VAV1: variants seen among roughly 807,000 people sequenced by gnomAD.
VAV1 encodes vav guanine nucleotide exchange factor 1.
A neutral mutation model predicts 128.1 loss-of-function variants in VAV1; 33 were observed. The observed-to-expected ratio is 0.26, with a 90% CI of 0.20 to 0.34. The LOEUF is 0.34. Among genes scored for constraint, VAV1 ranks in the 10% least tolerant of loss-of-function variants. VAV1 has a pLI of 1.00. For synonymous variants in VAV1, 394 were observed against 409.8 expected (o/e 0.96, Z 0.47); for missense variants, 715 against 1,093.7 (o/e 0.65, Z 4.88).
chr19:6,788,796 T>C (rs1343388567), intron 1 of VAV1, among the ~76,000 whole-genome samples: 2 of 152,188 alleles, frequency 1.3e-5, no homozygotes, highest in Admixed American at 6.5e-5. Context: ...CATGTGCCTA[T>C]TCCTTGAGTT....
intron 23 of VAV1, 29 bp from the exon 24 acceptor site, chr19:6,850,641 C>A (rs1972647933): frequency 6.2e-7 from 1 of 1,610,412 alleles, no homozygotes; most frequent in Non-Finnish European, 8.5e-7. Flanking sequence ...GGTCCCCAGA[C>A]TCAGGGCCCG....
rs191624193 is a variant in VAV1, at chr19:6,799,593, C to T, written c.205-21109C>T. Reference sequence around the variant, plus strand: ...CATTAGGTATTTCTCCGAATGCTATCCCTCTCCTAACCCCCAGCCCCCGAC... The same window carrying T: ...CATTAGGTATTTCTCCGAATGCTATTCCTCTCCTAACCCCCAGCCCCCGAC... On this transcript the variant is annotated intron_variant, in intron 1 of 26. Coordinates refer to ENST00000602142, the MANE Select transcript of VAV1 (RefSeq NM_005428.4). Among the ~76,000 whole-genome samples, 261 of 152,198 alleles carry T rather than the reference C, an allele frequency of 1.7e-3. 1 individual carries two copies. Among genetic ancestry groups the T allele is most frequent in the African/African-American group, 6.2e-3 (259 of 41,534 alleles).
In VAV1 at chr19:6,840,302, TC is replaced by T. The variant is rs1343154785; in HGVS notation, c.1981-2832del. ...TTGTGGAATGTGTCAGAATTTTCTT[TC>T]TTTTTTTTTTTTTTTTTGGTGAAAT... On this transcript the variant is annotated intron_variant, in intron 21 of 26. Coordinates refer to ENST00000602142, the MANE Select transcript of VAV1 (RefSeq NM_005428.4). Among the ~76,000 whole-genome samples the T allele has an allele frequency of 4.2e-4, 50 of 119,174 alleles. 1 individual carries two copies. The highest frequency in any genetic ancestry group is 1.0e-3 in the African/African-American group (36 of 35,248). 78.2% of individuals were successfully genotyped at this position (119,174 alleles called of 152,430 possible).
At chr19:6,831,846 A>G (rs1972062618) in intron 14 of VAV1, among the ~76,000 whole-genome samples, 1 of 143,308 alleles carries the variant, frequency 7.0e-6, no homozygotes. Context: ...GTGCTTCTGC[A>G]AAGGGGAGTG....
chr19:6,852,721 A>AAAC (rs568648754), intron 24 of VAV1, among the ~76,000 whole-genome samples: 2,122 of 127,876 alleles, frequency 0.017, 58 homozygotes, highest in African/African-American at 0.096. Flanking sequence ...ACTCCGTCTC[A>AAAC]AAGAAAAAAA....
At chr19:6,803,259 C>T (rs8109794) in intron 1 of VAV1, among the ~76,000 whole-genome samples, 26 of 152,276 alleles carry the variant, frequency 1.7e-4, no homozygotes, top group Non-Finnish European at 3.1e-4. Context: ...TTGCAGTCAT[C>T]TTTGTACCCA....
chr19:6,822,373 G>A lies in VAV1; in HGVS notation c.558+44G>A. On this transcript the variant is annotated intron_variant, in intron 5 of 26. Transcript: ENST00000602142. This position sits in a 1 kb window ranked among gnomAD's most constrained non-coding sequence, Gnocchi z 5.9. ...CGGGCCTGGGGAGGGCGTGGGCGGG[G>A]GGCAGCCCCAGGCCCCCCAACACCG... 2 of 1,554,064 alleles carry A rather than the reference G, an allele frequency of 1.3e-6. No individual in the cohort carries two copies. The highest frequency in any genetic ancestry group is 8.7e-7 in the Non-Finnish European group (1 of 1,149,730).
chr19:6,778,170 TAAGTGACC>T lies in VAV1; in HGVS notation c.204+5160_204+5167del, dbSNP rs1446094198. 5.3e-5 allele frequency among the ~76,000 whole-genome samples: 8 copies of T among 152,174 alleles called. No homozygotes were observed. In the East Asian group the frequency reaches 1.5e-3, roughly 29 times the overall value. The stretch of plus-strand genomic sequence containing the variant: ...CAGGCTGGTCTCGAACTCCTGACCT[TAAGTGACC>T]CACATGCCTCGGCCTCCCAAAGTGT... On this transcript the variant is annotated intron_variant, in intron 1 of 26. Transcript: ENST00000602142.
At position 6,826,263 on chromosome 19, in the gene VAV1, G is replaced by A. The variant is rs562398199; in HGVS notation, c.828-349G>A. Reference sequence around the variant, plus strand: ...TGAAGCAGGAGAATCGCTTGAACCCGGGAGATGGAGGTTGCACTGAGCCCA... The same window carrying A: ...TGAAGCAGGAGAATCGCTTGAACCCAGGAGATGGAGGTTGCACTGAGCCCA... On this transcript the variant is annotated intron_variant, in intron 8 of 26. Coordinates refer to ENST00000602142, the MANE Select transcript of VAV1 (RefSeq NM_005428.4). This position sits in a 1 kb window ranked among gnomAD's most constrained non-coding sequence, Gnocchi z 4.1. Among the ~76,000 whole-genome samples, 21 of 152,190 alleles carry A rather than the reference G, an allele frequency of 1.4e-4. No homozygotes were observed. Among genetic ancestry groups the A allele is most frequent in the Admixed American group, 6.5e-4 (10 of 15,280 alleles).
intron 13 of VAV1, 66 bp from the exon 14 acceptor site, chr19:6,829,720 C>T: frequency 6.3e-7 from 1 of 1,596,024 alleles, no homozygotes; most frequent in Admixed American, 1.7e-5. Flanking sequence ...TGTGGAGGAA[C>T]TGGTCAGAGG....
At position 6,854,010 on chromosome 19, in the gene VAV1, C is replaced by G; in HGVS notation, c.2396C>G (p.Ser799Ter). Residue 799 changes from serine (S) to a stop codon, truncating the protein, a stop_gained, in exon 26 of 27, where the codon TCA (serine) becomes TGA (stop). Coordinates refer to ENST00000602142, the MANE Select transcript of VAV1 (RefSeq NM_005428.4). LOFTEE classifies it high-confidence loss of function. ...TATGACTTCTGCGCCCGAGACCGAT[C>G]AGAGCTGTCGCTCAAGGAGGGTGAC... Reference protein sequence around the residue: ...ARYDFCARDRSELSLKEGDII... With the variant: ...ARYDFCARDR 3 of 1,613,956 alleles carry G rather than the reference C, an allele frequency of 1.9e-6. No individual in the cohort carries two copies. Among genetic ancestry groups the G allele is most frequent in the Non-Finnish European group, 2.5e-6 (3 of 1,180,056 alleles).
At chr19:6,849,523 G>A (rs1457529789) in intron 23 of VAV1, among the ~76,000 whole-genome samples, 1 of 151,334 alleles carries the variant, frequency 6.6e-6, no homozygotes, top group African/African-American at 2.4e-5. Flanking sequence ...ATGTTGGCCA[G>A]GCTGGTCTCG....
intron 1 of VAV1, among the ~76,000 whole-genome samples, chr19:6,809,102 A>G (rs1971460824): frequency 6.8e-6 from 1 of 147,282 alleles, no homozygotes; most frequent in African/African-American, 2.6e-5. Context: ...TTTTTTTGAG[A>G]TAGGGTCTTG....
chr19:6,855,663 C>T (rs1972776703), intron 26 of VAV1, among the ~76,000 whole-genome samples: 1 of 151,844 alleles, frequency 6.6e-6, no homozygotes, highest in Non-Finnish European at 1.5e-5. Flanking sequence ...ATGCATGCAC[C>T]CATCTGTTAA....
At chr19:6,821,401 A>G (rs938190173) in intron 2 of VAV1, among the ~76,000 whole-genome samples, 1 of 152,128 alleles carries the variant, frequency 6.6e-6, no homozygotes, top group Non-Finnish European at 1.5e-5. Context: ...ACTCCGTTAA[A>G]AAAAATACTA....
chr19:6,783,208 C>T (rs1329363976), intron 1 of VAV1, among the ~76,000 whole-genome samples: 1 of 152,050 alleles, frequency 6.6e-6, no homozygotes, highest in South Asian at 2.1e-4. Context: ...ACAAACAAAA[C>T]CAAACCCTCA....
chr19:6,831,470 C>G, intron 14 of VAV1, among the ~76,000 whole-genome samples: 1 of 152,122 alleles, frequency 6.6e-6, no homozygotes, highest in East Asian at 1.9e-4. Flanking sequence ...CGCCACCACG[C>G]CCAGCTAATT....
chr19:6,854,300 A>G (rs1972741400), intron 26 of VAV1, among the ~76,000 whole-genome samples: 1 of 152,204 alleles, frequency 6.6e-6, no homozygotes, highest in Non-Finnish European at 1.5e-5. Context: ...GTGTGCAGAC[A>G]TTGTGCTGGG....
At chr19:6,854,943 C>G (rs1431442278) in intron 26 of VAV1, among the ~76,000 whole-genome samples, 1 of 152,112 alleles carries the variant, frequency 6.6e-6, no homozygotes, top group East Asian at 1.9e-4. Context: ...GTGAGAGGTG[C>G]CTAATCAGTA....
Sources: gnomAD v4.1 joint callset for allele counts (sites outside exome capture counted in the v4.1 genomes callset) on GRCh38, gnomAD v4.1.1 for gene constraint, Gnocchi (gnomAD v3.1) non-coding constraint, MANE v1.5 for transcripts, NCBI Gene and HGNC (gene_info 2026-07-23, HGNC 2026-07-21) for gene names.